Variants in TCF4 observed in about 807,000 individuals in gnomAD.
The protein encoded by TCF4 is transcription factor 4, also known as SL3-3 enhancer factor 2.
TCF4 carries 3 observed loss-of-function variants against 82.1 expected under a neutral mutation model. The observed-to-expected ratio is 0.04, with a 90% confidence interval of 0.02 to 0.09. The LOEUF (loss-of-function observed/expected upper bound fraction) is 0.09, where lower values mean the gene tolerates loss of function less well. TCF4 is among the 10% of genes least tolerant of loss of function. The pLI, the probability that TCF4 is intolerant of heterozygous loss-of-function variation, is 1.00. For missense variants in TCF4, 518 were observed against 852.7 expected (o/e 0.61, Z 4.89); for synonymous variants, 276 against 309.6 (o/e 0.89, Z 1.14).
intron 8 of TCF4, among the ~76,000 whole-genome samples, chr18:55,314,439 A>G (rs2073508824): frequency 6.6e-6 from 1 of 152,092 alleles, no homozygotes; most frequent in Non-Finnish European, 1.5e-5. Context: ...TTAATTTTTT[A>G]AGTAATACAT....
Position 55,226,759 on chromosome 18 carries a change from T to C in TCF4, c.*1276A>G, listed in dbSNP as rs2046645143. 6.5e-6 allele frequency: 1 copy of C among 152,748 alleles called. No homozygotes were observed. The highest frequency in any genetic ancestry group is 2.1e-4 in the South Asian group (1 of 4,826). The allele number at this position is 152,748 out of a possible 1,614,324, so 9.5% of individuals were successfully genotyped here. A position where few individuals can be genotyped will look rare whatever the true frequency, so the allele number is the denominator to read the frequency against. ...TGTCACACTACTTGCAATTTTCTCA[T>C]TTGACGGTTTTTGAACTTTACTTGT... On this transcript the variant is annotated 3_prime_UTR_variant, in exon 20 of 20. Coordinates refer to ENST00000354452, the MANE Select transcript of TCF4 (RefSeq NM_001083962.2).
intron 3 of TCF4, among the ~76,000 whole-genome samples, chr18:55,508,493 A>T (rs1387263712): frequency 6.6e-6 from 1 of 152,208 alleles, no homozygotes; most frequent in East Asian, 1.9e-4. Context: ...AAAAATACTC[A>T]CTGAGCAGTT....
At chr18:55,488,231 G>A (rs1225840683) in intron 3 of TCF4, among the ~76,000 whole-genome samples, 1 of 152,122 alleles carries the variant, frequency 6.6e-6, no homozygotes. Flanking sequence ...AGGGTTTTCC[G>A]TTTAAATGTG....
intron 5 of TCF4, among the ~76,000 whole-genome samples, chr18:55,428,220 A>G (rs2095062021): frequency 6.6e-6 from 1 of 152,136 alleles, no homozygotes. Flanking sequence ...TTCTTAAAAA[A>G]CTATGCTTAG....
At chr18:55,314,354 C>T (rs887653889) in intron 8 of TCF4, among the ~76,000 whole-genome samples, 5 of 151,938 alleles carry the variant, frequency 3.3e-5, no homozygotes, top group Non-Finnish European at 7.4e-5. Context: ...CTTAATAATG[C>T]CATTAGGAAT....
At chr18:55,442,755 A>G (rs1459532445) in intron 5 of TCF4, among the ~76,000 whole-genome samples, 1 of 152,180 alleles carries the variant, frequency 6.6e-6, no homozygotes, top group African/African-American at 2.4e-5. Flanking sequence ...ATCAAAACCC[A>G]TATACAAGGA....
intron 5 of TCF4, among the ~76,000 whole-genome samples, chr18:55,417,592 A>G (rs1039160893): frequency 6.6e-6 from 1 of 152,180 alleles, no homozygotes; most frequent in Non-Finnish European, 1.5e-5. Flanking sequence ...TCCTCCTAGC[A>G]TGGCACCAAA....
At chr18:55,401,319 G>A (rs1456537217) in intron 6 of TCF4, 5 of 1,170,866 alleles carry the variant, frequency 4.3e-6, no homozygotes, top group South Asian at 1.7e-5. Context: ...AGATTGCTGC[G>A]ACCACGCTAA....
At chr18:55,459,975 T>G (rs1469471044) in intron 5 of TCF4, among the ~76,000 whole-genome samples, 1 of 152,162 alleles carries the variant, frequency 6.6e-6, no homozygotes, top group Non-Finnish European at 1.5e-5. Flanking sequence ...TGAAATCCAT[T>G]TAGATGGATT....
At chr18:55,360,095 G>A (rs2084708604) in intron 6 of TCF4, among the ~76,000 whole-genome samples, 1 of 152,232 alleles carries the variant, frequency 6.6e-6, no homozygotes, top group South Asian at 2.1e-4. Flanking sequence ...AACATTGCAG[G>A]AGAGAGGACA....
chr18:55,549,180 G>A (rs2097235714), intron 3 of TCF4, among the ~76,000 whole-genome samples: 1 of 151,990 alleles, frequency 6.6e-6, no homozygotes, highest in Admixed American at 6.6e-5. Context: ...ACGCACCTGT[G>A]GTTCCAGCTA....
intron 8 of TCF4, among the ~76,000 whole-genome samples, chr18:55,323,098 A>G (rs2075986500): frequency 6.6e-6 from 1 of 152,174 alleles, no homozygotes; most frequent in South Asian, 2.1e-4. Context: ...TTTTAAAAAT[A>G]TTATACCAAT....
In TCF4 at chr18:55,228,349, T is replaced by C; in HGVS notation, c.1892A>G (p.Asn631Ser). Residue 631 changes from asparagine (N) to serine (S), a missense_variant, in exon 19 of 20, where the codon AAT becomes AGT. Asn to Ser is a conservative substitution (Grantham distance 46, BLOSUM62 1). Coordinates refer to ENST00000354452, the MANE Select transcript of TCF4 (RefSeq NM_001083962.2). ...TCTTTTCAGACACGCAGCTTTCGGA[T>C]TCAGATTCCTTTCTGTGGAGGATTA... ...LEQQVRERNL[N>S]PKAACLKRRE... 1 of 1,614,076 alleles carries C rather than the reference T, an allele frequency of 6.2e-7. No homozygotes were observed. Among genetic ancestry groups the C allele is most frequent in the Non-Finnish European group, 8.5e-7 (1 of 1,180,034 alleles).
At chr18:55,286,444 A>T (rs1601474132) in intron 8 of TCF4, among the ~76,000 whole-genome samples, 1 of 152,284 alleles carries the variant, frequency 6.6e-6, no homozygotes, top group Non-Finnish European at 1.5e-5. Context: ...GGAAGAGGTG[A>T]AAGGACTTAC....
At chr18:55,507,718 C>G (rs1199049741) in intron 3 of TCF4, among the ~76,000 whole-genome samples, 3 of 152,126 alleles carry the variant, frequency 2.0e-5, no homozygotes, top group African/African-American at 7.2e-5. Context: ...CAGAGGGAAC[C>G]ACTGAATTCT....
At chr18:55,415,380 C>A (rs1308612585) in intron 5 of TCF4, among the ~76,000 whole-genome samples, 4 of 151,688 alleles carry the variant, frequency 2.6e-5, no homozygotes, top group Non-Finnish European at 5.9e-5. Context: ...TGAAACAAAA[C>A]AAAAAACAAA....
At chr18:55,297,529 G>A (rs2066899621) in intron 8 of TCF4, among the ~76,000 whole-genome samples, 1 of 152,020 alleles carries the variant, frequency 6.6e-6, no homozygotes, top group Admixed American at 6.6e-5. Flanking sequence ...TGAGGGAGAG[G>A]GTCTGGGTAT....
At chr18:55,305,833 C>A (rs992032871) in intron 8 of TCF4, among the ~76,000 whole-genome samples, 1 of 152,062 alleles carries the variant, frequency 6.6e-6, no homozygotes, top group Non-Finnish European at 1.5e-5. Flanking sequence ...TATCAGTTTC[C>A]ATACTGATAG....
At chr18:55,293,963 T>TTTTTTTTTA (rs11444091) in intron 8 of TCF4, among the ~76,000 whole-genome samples, 1 of 139,958 alleles carries the variant, frequency 7.1e-6, no homozygotes, top group Admixed American at 7.2e-5. Flanking sequence ...TTTTTTTTTT[T>TTTTTTTTTA]AGAATTCATA....
Sources: gnomAD v4.1 joint callset for allele counts (sites outside exome capture counted in the v4.1 genomes callset) on GRCh38, gnomAD v4.1.1 for gene constraint, MANE v1.5 for transcripts, NCBI Gene and HGNC (gene_info 2026-07-23, HGNC 2026-07-21) for gene names.